The following CPNE4 variants were observed in gnomAD, a reference collection of about 807,000 sequenced individuals.
CPNE4 encodes copine-4.
In CPNE4, 25 loss-of-function variants were observed where a neutral mutation model predicts 67.9. The ratio of observed to expected loss-of-function variants is 0.37; its 90% CI spans 0.27 to 0.51. The LOEUF is 0.51. Ranked by LOEUF, CPNE4 falls within the 20% of genes least tolerant of loss-of-function variation. The pLI, the probability that CPNE4 is intolerant of heterozygous loss-of-function variation, is 0.93. For missense variants in CPNE4, 464 were observed against 690.8 expected, an observed-to-expected ratio of 0.67 and a Z score of 3.68; for synonymous variants, 242 against 244.9, an observed-to-expected ratio of 0.99 and a Z score of 0.11.
At chr3:131,913,339 G>T (rs1338848316) in intron 1 of CPNE4, among the ~76,000 whole-genome samples, 1 of 152,170 alleles carries the variant, frequency 6.6e-6, no homozygotes, top group Non-Finnish European at 1.5e-5. Context: ...GAGCCAAAAT[G>T]GTACCATTTA....
At chr3:132,031,883 CTAAT>C (rs1454080491) in intron 1 of CPNE4, among the ~76,000 whole-genome samples, 1 of 152,050 alleles carries the variant, frequency 6.6e-6, no homozygotes, top group Non-Finnish European at 1.5e-5. Context: ...CTTGAATAAT[CTAAT>C]TATTTAAAAG....
At chr3:131,848,936 T>C (rs2086112157) in intron 2 of CPNE4, among the ~76,000 whole-genome samples, 1 of 109,684 alleles carries the variant, frequency 9.1e-6, no homozygotes, top group East Asian at 2.7e-4. Context: ...GCCTCACTGG[T>C]GGAATGACAG....
At position 131,587,468 on chromosome 3, in the gene CPNE4, G is replaced by T. The variant is rs1345766189; in HGVS notation, c.780+16C>A. ...ATACCGACTGGAGGCAAAACCAAAA[G>T]TGGTTGACCATGTACCTGTTTCCCT... On this transcript the variant is annotated intron_variant, in intron 8 of 15. Transcript: ENST00000429747. The T allele has an allele frequency of 6.3e-7, 1 of 1,599,982 alleles. No homozygotes were observed. The highest frequency in any genetic ancestry group is 8.6e-7 in the Non-Finnish European group (1 of 1,167,542).
intron 1 of CPNE4, among the ~76,000 whole-genome samples, chr3:132,005,142 A>G (rs2073554999): frequency 6.6e-6 from 1 of 151,762 alleles, no homozygotes; most frequent in African/African-American, 2.4e-5. Flanking sequence ...TTGTTTTGAA[A>G]TGGCAAAGCC....
chr3:131,743,843 G>A (rs2082411400), intron 2 of CPNE4, among the ~76,000 whole-genome samples: 1 of 150,448 alleles, frequency 6.6e-6, no homozygotes, highest in Non-Finnish European at 1.5e-5. Flanking sequence ...GGCGCCTGTA[G>A]TCCCAGCTAC....
intron 1 of CPNE4, among the ~76,000 whole-genome samples, chr3:131,938,077 G>T (rs1401786495): frequency 2.6e-5 from 4 of 151,180 alleles, no homozygotes; most frequent in Non-Finnish European, 1.5e-5. Context: ...TTGATAAAAG[G>T]TCAGGTGCGG....
chr3:131,683,890 GCGCAGGATGAGTTATGCCCAGTAT>G (rs977784703), intron 6 of CPNE4, among the ~76,000 whole-genome samples: 3 of 152,080 alleles, frequency 2.0e-5, no homozygotes, highest in Admixed American at 2.0e-4. Flanking sequence ...TCCTCCATGG[GCGCAGGATGAGTTATGCCCAGTAT>G]TGCTTTCTGC....
chr3:131,982,957 A>T (rs1583557794), intron 1 of CPNE4, among the ~76,000 whole-genome samples: 1 of 152,178 alleles, frequency 6.6e-6, no homozygotes, highest in Non-Finnish European at 1.5e-5. Flanking sequence ...GAGCAAACAA[A>T]ATCTTTAAAG....
At chr3:132,001,553 G>GAGAAAGAAAGAAAGAAAGAA (rs763509045) in intron 1 of CPNE4, among the ~76,000 whole-genome samples, 8 of 101,856 alleles carry the variant, frequency 7.9e-5, no homozygotes, top group South Asian at 4.0e-4. Context: ...AAAGAAAAAA[G>GAGAAAGAAAGAAAGAAAGAA]AGAAAGAAAG....
chr3:131,885,226 T>G (rs182114131), intron 2 of CPNE4, among the ~76,000 whole-genome samples: 1 of 152,278 alleles, frequency 6.6e-6, no homozygotes, highest in East Asian at 1.9e-4. Flanking sequence ...CAAAAGTGAC[T>G]CCTGTTATGT....
At chr3:131,809,461 T>C (rs2084442467) in intron 2 of CPNE4, among the ~76,000 whole-genome samples, 1 of 152,146 alleles carries the variant, frequency 6.6e-6, no homozygotes, top group South Asian at 2.1e-4. Context: ...TTCAAGCCAC[T>C]GAATTTGCAG....
intron 7 of CPNE4, among the ~76,000 whole-genome samples, chr3:131,591,152 C>T (rs952559001): frequency 2.0e-5 from 3 of 152,174 alleles, no homozygotes; most frequent in Non-Finnish European, 4.4e-5. Flanking sequence ...AGAAATCTTG[C>T]TGGGCTTAGA....
chr3:131,615,507 C>T (rs1940082924), intron 7 of CPNE4, among the ~76,000 whole-genome samples: 2 of 152,084 alleles, frequency 1.3e-5, no homozygotes, highest in Admixed American at 1.3e-4. Context: ...CATTAGGAAC[C>T]TCACTAATTG....
chr3:131,612,304 G>A (rs60310359), intron 7 of CPNE4, among the ~76,000 whole-genome samples: 20,069 of 152,110 alleles, frequency 0.13, 1,869 homozygotes, highest in African/African-American at 0.26. Context: ...AATCCAGGAG[G>A]TGGAGGTTGC....
chr3:131,774,452 C>T (rs1386396965), intron 2 of CPNE4, among the ~76,000 whole-genome samples: 4 of 152,020 alleles, frequency 2.6e-5, no homozygotes, highest in East Asian at 1.9e-4. Context: ...TGAAAACCAA[C>T]ATGCTTTAAA....
At position 131,639,653 on chromosome 3, in the gene CPNE4, T is replaced by C. The variant is rs182684655; in HGVS notation, c.681+30022A>G. The stretch of plus-strand genomic sequence containing the variant: ...AAAGAAGGAATCCTTCCTAAATCAT[T>C]CTATGACGCCAGCATCGCCCTAATA... On this transcript the variant is annotated intron_variant, in intron 7 of 15. Transcript: ENST00000429747. 3.3e-5 allele frequency among the ~76,000 whole-genome samples: 5 copies of C among 152,168 alleles called. No homozygotes were observed. In the East Asian group the frequency reaches 9.7e-4, roughly 29 times the overall value.
At chr3:131,945,814 A>G (rs2071536377) in intron 1 of CPNE4, among the ~76,000 whole-genome samples, 2 of 152,172 alleles carry the variant, frequency 1.3e-5, no homozygotes, top group African/African-American at 4.8e-5. Flanking sequence ...AAGTTCTATA[A>G]GGGTAAAATG....
intron 1 of CPNE4, among the ~76,000 whole-genome samples, chr3:131,972,482 C>A (rs1382920615): frequency 2.6e-5 from 4 of 152,206 alleles, no homozygotes; most frequent in Non-Finnish European, 5.9e-5. Context: ...ACATGGAATT[C>A]TGGTCTTTCC....
intron 2 of CPNE4, among the ~76,000 whole-genome samples, chr3:131,827,468 A>G (rs895578261): frequency 6.6e-6 from 1 of 152,102 alleles, no homozygotes; most frequent in Non-Finnish European, 1.5e-5. Flanking sequence ...TTGTTGAAGA[A>G]AAGCAGCAAC....
Sources: allele counts gnomAD v4.1 joint callset (sites outside exome capture counted in the v4.1 genomes callset), GRCh38; gene constraint gnomAD v4.1.1; transcripts MANE v1.5; gene names NCBI Gene and HGNC (gene_info 2026-07-23, HGNC 2026-07-21).